NCAPD2: variants seen among roughly 807,000 people sequenced by gnomAD.
The protein encoded by NCAPD2 is non-SMC condensin I complex subunit D2, also known as condensin complex subunit 1.
Under a neutral mutation model 164.5 loss-of-function variants are expected in NCAPD2, and 100 were observed. The observed-to-expected ratio is 0.61, with a 90% CI of 0.52 to 0.72. NCAPD2 has a LOEUF of 0.72. NCAPD2 is among the 30% of genes least tolerant of loss of function. The pLI is 0.00. For synonymous variants in NCAPD2, 585 were observed against 642.6 expected (o/e 0.91, Z 1.36); for missense variants, 1,560 against 1,749.2 (o/e 0.89, Z 1.93).
rs1490709888 is a variant in NCAPD2 at position 6,510,674 on chromosome 12, C to A, written c.308C>A (p.Thr103Lys). 3.1e-6 allele frequency: 5 copies of A among 1,614,066 alleles called. No individual in the cohort carries two copies. In the African/African-American group the frequency reaches 6.7e-5, roughly 22 times the overall value. Residue 103 changes from threonine (T) to lysine (K), a missense_variant, in exon 5 of 32, where the codon ACA becomes AAA. Physicochemically the swap from Thr to Lys is moderately conservative, Grantham distance 78. Transcript: ENST00000315579. The stretch of plus-strand genomic sequence containing the variant: ...GAGCTTCCAGCTATCCTGGATGATA[C>A]AACTTTGAGTGGATCAGATAGAAAC... ...SQELPAILDD[T>K]TLSGSDRNAH...
intron 2 of NCAPD2, among the ~76,000 whole-genome samples, chr12:6,507,967 G>T (rs925970748): frequency 6.6e-6 from 1 of 152,100 alleles, no homozygotes; most frequent in African/African-American, 2.4e-5. Context: ...CAGATCAGTT[G>T]ATCCCAGGAG....
In NCAPD2 at chr12:6,517,829, A is replaced by G. The variant is rs1946218634; in HGVS notation, c.1459A>G (p.Lys487Glu). 2 of 1,614,050 alleles carry G rather than the reference A, an allele frequency of 1.2e-6. No individual in the cohort carries two copies. Among genetic ancestry groups the G allele is most frequent in the African/African-American group, 2.7e-5 (2 of 74,926 alleles). ...GTGGGAAGCCATGCTGCCAGAGTTG[A>G]AGTCTACCCTGCAGCAGCTTCTACA... ...EEWEAMLPEL[K>E]STLQQLLQLP... Residue 487 changes from lysine to glutamate, a missense_variant, in exon 13 of 32, where the codon AAG becomes GAG. Transcript: ENST00000315579.
At chr12:6,502,053 C>T (rs1269275467) in intron 2 of NCAPD2, among the ~76,000 whole-genome samples, 1 of 152,088 alleles carries the variant, frequency 6.6e-6, no homozygotes, top group Non-Finnish European at 1.5e-5. Flanking sequence ...TTATGTGTGT[C>T]TATATTGAGT....
chr12:6,511,345 GT>G, intron 6 of NCAPD2, 93 bp downstream of exon 6: 1 of 1,332,316 alleles, frequency 7.5e-7, no homozygotes. Context: ...TTTTTTTTTT[GT>G]GGGGGGACAG....
At chr12:6,526,838 G>T in intron 21 of NCAPD2, 53 bp from the exon 22 acceptor site, 1 of 1,555,370 alleles carries the variant, frequency 6.4e-7, no homozygotes, top group South Asian at 1.2e-5. Flanking sequence ...ATTCAGGTTT[G>T]ATGGGACTTA....
intron 9 of NCAPD2, among the ~76,000 whole-genome samples, chr12:6,515,617 A>G (rs1214931808): frequency 6.6e-6 from 1 of 152,192 alleles, no homozygotes; most frequent in Non-Finnish European, 1.5e-5. Context: ...TTATGCCTGA[A>G]TGCTAACCTG....
intron 2 of NCAPD2, among the ~76,000 whole-genome samples, chr12:6,495,906 G>A (rs1043252608): frequency 5.9e-5 from 9 of 151,986 alleles, no homozygotes; most frequent in Non-Finnish European, 8.8e-5. Context: ...CCTTGGTTTC[G>A]TCATCTGTAA....
intron 17 of NCAPD2, among the ~76,000 whole-genome samples, 194 bp from the exon 18 acceptor site, chr12:6,525,389 G>A (rs1253629693): frequency 2.0e-5 from 3 of 152,108 alleles, no homozygotes; most frequent in Non-Finnish European, 4.4e-5. Context: ...AGTTTTGAAG[G>A]CATGAGAGTA....
At chr12:6,510,528 C>A (rs553338884) in intron 4 of NCAPD2, 101 bp from the exon 5 acceptor site, 2 of 1,363,814 alleles carry the variant, frequency 1.5e-6, no homozygotes, top group African/African-American at 1.4e-5. Context: ...AGATGAAACA[C>A]AGATCTTTGG....
Position 6,523,267 on chromosome 12 carries a change from A to T in NCAPD2, c.2135A>T (p.Lys712Met), listed in dbSNP as rs1209858141. 3 of 1,614,142 alleles carry T rather than the reference A, an allele frequency of 1.9e-6. No individual in the cohort carries two copies. Among genetic ancestry groups the T allele is most frequent in the Admixed American group, 1.7e-5 (1 of 60,020 alleles). Reference sequence around the variant, plus strand: ...GATCTCTGCTGTTCCCACAGAGCCAAGGCCCAGGCTTTGATTCAGAATCTC... The same window carrying T: ...GATCTCTGCTGTTCCCACAGAGCCATGGCCCAGGCTTTGATTCAGAATCTC... ...LNPKGDSARAKAQALIQNLSL... is the reference protein window; with the variant it reads ...LNPKGDSARAMAQALIQNLSL... The change falls in exon 17 of 32, where the codon AAG (lysine) becomes ATG (methionine). Residue 712 changes from lysine to methionine, a missense_variant. Physicochemically the swap from Lys to Met is moderately conservative, Grantham distance 95. Transcript: ENST00000315579.
chr12:6,518,059 T>C, intron 13 of NCAPD2, 100 bp downstream of exon 13: 1 of 1,161,808 alleles, frequency 8.6e-7, no homozygotes, highest in Non-Finnish European at 1.2e-6. Flanking sequence ...TGCACACAGA[T>C]ATGCTGCCAC....
intron 2 of NCAPD2, among the ~76,000 whole-genome samples, chr12:6,495,683 G>C (rs1251491705): frequency 2.0e-5 from 3 of 152,144 alleles, no homozygotes; most frequent in Non-Finnish European, 4.4e-5. Context: ...TATATGTACA[G>C]TGCAGTCACC....
Position 6,510,146 on chromosome 12 carries a change from CAG to C in NCAPD2, c.262+14_262+15del, listed in dbSNP as rs748763730. 3.2e-5 allele frequency: 51 copies of C among 1,599,932 alleles called. No individual in the cohort carries two copies. In the African/African-American group the frequency reaches 3.5e-4, roughly 11 times the overall value. The stretch of plus-strand genomic sequence containing the variant: ...TTCCTGATAAAAGGTGTTTATGGGT[CAG>C]GGGGTAGGGGATGGAAGGTGTTTGT... On this transcript the variant is annotated intron_variant, in intron 4 of 31. Coordinates refer to ENST00000315579, the MANE Select transcript of NCAPD2 (RefSeq NM_014865.4).
intron 2 of NCAPD2, among the ~76,000 whole-genome samples, chr12:6,498,643 C>T (rs188518641): frequency 1.3e-5 from 2 of 151,684 alleles, no homozygotes; most frequent in East Asian, 1.9e-4. Context: ...GAGTCTTGCT[C>T]TGTCACCGGG....
chr12:6,520,641 TTTA>T (rs1946255427), intron 13 of NCAPD2, among the ~76,000 whole-genome samples: 1 of 152,178 alleles, frequency 6.6e-6, no homozygotes, highest in Admixed American at 6.5e-5. Flanking sequence ...TTATTGAAAG[TTTA>T]TTGTTTCTAA....
Position 6,528,500 on chromosome 12 carries a change from A to C in NCAPD2, c.3299+172A>C. On this transcript the variant is annotated intron_variant, in intron 25 of 31. Coordinates refer to ENST00000315579, the MANE Select transcript of NCAPD2 (RefSeq NM_014865.4). This position sits in a 1 kb window ranked among gnomAD's most constrained non-coding sequence, Gnocchi z 5.1. ...TAAGAGTCACCCCAGTGGGACTGAC[A>C]CTTCTGGTTAGAAGCTTCACCTCTT... 4 of 1,127,350 alleles carry C rather than the reference A, an allele frequency of 3.5e-6. No homozygotes were observed. The highest frequency in any genetic ancestry group is 5.0e-6 in the Non-Finnish European group (4 of 793,308). The allele number at this position is 1,127,350 out of a possible 1,614,324, so 69.8% of individuals were successfully genotyped here.
chr12:6,525,755 A>G (rs1946311137), intron 18 of NCAPD2, 39 bp downstream of exon 18: 1 of 1,605,456 alleles, frequency 6.2e-7, no homozygotes, highest in African/African-American at 1.3e-5. Flanking sequence ...GTGGGAGAGC[A>G]AAGGAAGGTT....
chr12:6,530,559 G>A (rs938871410), intron 29 of NCAPD2, 132 bp from the exon 30 acceptor site: 9 of 1,111,786 alleles, frequency 8.1e-6, no homozygotes, highest in East Asian at 2.4e-5. Context: ...GGAATGATCC[G>A]GTATGGAGCC....
At chr12:6,509,657 A>T in intron 2 of NCAPD2, 60 bp from the exon 3 acceptor site, 4 of 1,480,614 alleles carry the variant, frequency 2.7e-6, no homozygotes, top group Non-Finnish European at 3.8e-6. Context: ...TGCCATGGAT[A>T]GAATTTACTG....
Sources: allele counts gnomAD v4.1 joint callset (sites outside exome capture counted in the v4.1 genomes callset), GRCh38; gene constraint gnomAD v4.1.1; non-coding constraint Gnocchi (gnomAD v3.1); transcripts MANE v1.5; gene names NCBI Gene and HGNC (gene_info 2026-07-23, HGNC 2026-07-21).